Variants in GRIK4 observed in about 807,000 individuals in gnomAD.
The protein encoded by GRIK4 is glutamate receptor ionotropic, kainate 4.
Under a neutral mutation model 104.9 loss-of-function variants are expected in GRIK4, and 40 were observed. That is an observed-to-expected ratio of 0.38 (90% confidence interval 0.30 to 0.50). The LOEUF is 0.50. GRIK4 is among the 20% of genes least tolerant of loss of function. The probability of loss-of-function intolerance (pLI) is 0.93; values close to 1 mark genes in which losing one functional copy is unlikely to be tolerated. For synonymous variants in GRIK4, 485 were observed against 524.9 expected, an observed-to-expected ratio of 0.92 and a Z score of 1.04; for missense variants, 1,047 against 1,308.1, an observed-to-expected ratio of 0.80 and a Z score of 3.08.
At chr11:120,666,511 G>C (rs1004197561) in intron 3 of GRIK4, among the ~76,000 whole-genome samples, 1 of 152,224 alleles carries the variant, frequency 6.6e-6, no homozygotes, top group Non-Finnish European at 1.5e-5. Flanking sequence ...GCGTTAGTAA[G>C]TGTTGCTTCT....
intron 1 of GRIK4, among the ~76,000 whole-genome samples, chr11:120,566,968 ATTTTT>A (rs572433053): frequency 9.0e-5 from 9 of 99,710 alleles, no homozygotes; most frequent in East Asian, 5.4e-4. Context: ...CGGCCTCCTA[ATTTTT>A]TTTTTTTTTT....
At chr11:120,921,568 C>T (rs1352077045) in intron 13 of GRIK4, among the ~76,000 whole-genome samples, 2 of 150,936 alleles carry the variant, frequency 1.3e-5, no homozygotes, top group Non-Finnish European at 1.5e-5. Flanking sequence ...GCTGCCCTCC[C>T]GCTTGCGCGC....
rs530750037 is a variant in GRIK4, at chr11:120,549,247, C to T, written c.-159+37360C>T. Among the ~76,000 whole-genome samples the T allele has an allele frequency of 6.6e-5, 10 of 152,076 alleles. No individual in the cohort carries two copies. The highest frequency in any genetic ancestry group is 5.8e-4 in the East Asian group (3 of 5,148). On this transcript the variant is annotated intron_variant, in intron 1 of 20. Transcript: ENST00000527524. This position sits in a 1 kb window ranked among gnomAD's most constrained non-coding sequence, Gnocchi z 4.7. Reference sequence around the variant, plus strand: ...CCAAGTAGCTGGGATTACAGGCACACGCCACTACACCTGGCTAATTTTTGT... The same window carrying T: ...CCAAGTAGCTGGGATTACAGGCACATGCCACTACACCTGGCTAATTTTTGT...
At chr11:120,983,401 A>G (rs1289832869) in intron 20 of GRIK4, among the ~76,000 whole-genome samples, 1 of 152,132 alleles carries the variant, frequency 6.6e-6, no homozygotes, top group African/African-American at 2.4e-5. Flanking sequence ...CTACCCCTGC[A>G]CCGAAAGGCC....
chr11:120,691,540 G>C (rs1051346254), intron 3 of GRIK4, among the ~76,000 whole-genome samples: 1 of 152,134 alleles, frequency 6.6e-6, no homozygotes, highest in African/African-American at 2.4e-5. Context: ...TTTGGACATG[G>C]GCTGTGAGAT....
At chr11:120,899,352 C>G (rs1942669929) in intron 12 of GRIK4, among the ~76,000 whole-genome samples, 1 of 144,740 alleles carries the variant, frequency 6.9e-6, no homozygotes, top group African/African-American at 2.6e-5. Context: ...ACCCAGGAGG[C>G]AGAGGTTGCA....
chr11:120,846,972 C>A (rs1429809616), intron 8 of GRIK4, among the ~76,000 whole-genome samples: 2 of 152,194 alleles, frequency 1.3e-5, no homozygotes, highest in African/African-American at 4.8e-5. Context: ...GTCTTCTGAG[C>A]TGTCTTGATC....
chr11:120,662,749 C>G (rs902184358), intron 3 of GRIK4, among the ~76,000 whole-genome samples: 7 of 152,100 alleles, frequency 4.6e-5, no homozygotes, highest in Non-Finnish European at 1.0e-4. Flanking sequence ...GGGGTTTTCC[C>G]CAACCCCAGC....
chr11:120,662,714 C>G (rs527745822), intron 3 of GRIK4, among the ~76,000 whole-genome samples: 158 of 152,258 alleles, frequency 1.0e-3, no homozygotes, highest in African/African-American at 3.5e-3. Flanking sequence ...CCAGGGGTCA[C>G]TTTTCCTTGC....
At chr11:120,827,554 C>T (rs1953300528) in intron 6 of GRIK4, among the ~76,000 whole-genome samples, 2 of 152,308 alleles carry the variant, frequency 1.3e-5, no homozygotes, top group African/African-American at 4.8e-5. Context: ...TGGCAGCTGC[C>T]TTTGGTGAAT....
chr11:120,531,825 C>T (rs934599825), intron 1 of GRIK4, among the ~76,000 whole-genome samples: 1 of 152,178 alleles, frequency 6.6e-6, no homozygotes, highest in Non-Finnish European at 1.5e-5. Flanking sequence ...ATCCACCCGC[C>T]TTGGTCTCCT....
At chr11:120,566,205 T>C (rs971193931) in intron 1 of GRIK4, among the ~76,000 whole-genome samples, 10 of 152,302 alleles carry the variant, frequency 6.6e-5, no homozygotes, top group African/African-American at 2.4e-4. Flanking sequence ...TAGTGAACAG[T>C]TGTAGCTCTA....
intron 1 of GRIK4, among the ~76,000 whole-genome samples, chr11:120,581,075 A>G (rs1176557557): frequency 6.6e-6 from 1 of 152,106 alleles, no homozygotes; most frequent in African/African-American, 2.4e-5. Context: ...TTTCTTGGTG[A>G]AGTATCTTTC....
chr11:120,813,759 C>CT (rs1338395314), intron 4 of GRIK4, among the ~76,000 whole-genome samples: 1 of 152,156 alleles, frequency 6.6e-6, no homozygotes, highest in African/African-American at 2.4e-5. Flanking sequence ...AGTAAGAAAC[C>CT]TTGTACTAGT....
intron 19 of GRIK4, among the ~76,000 whole-genome samples, chr11:120,974,490 G>A (rs1273637175): frequency 2.0e-5 from 3 of 152,310 alleles, no homozygotes; most frequent in South Asian, 2.1e-4. Context: ...ACCAGACGAC[G>A]TGCCAGTGCC....
intron 1 of GRIK4, among the ~76,000 whole-genome samples, chr11:120,530,468 A>C (rs1335095431): frequency 6.6e-6 from 1 of 152,116 alleles, no homozygotes; most frequent in Non-Finnish European, 1.5e-5. Flanking sequence ...CTGCACAGTA[A>C]AATTTGTCAG....
chr11:120,980,814 G>A (rs538022701), intron 19 of GRIK4, among the ~76,000 whole-genome samples: 1 of 152,258 alleles, frequency 6.6e-6, no homozygotes, highest in South Asian at 2.1e-4. Context: ...CAGATTTTCA[G>A]TTGTAGGCAG....
At chr11:120,665,772 G>A (rs1366435820) in intron 3 of GRIK4, among the ~76,000 whole-genome samples, 2 of 152,180 alleles carry the variant, frequency 1.3e-5, no homozygotes, top group African/African-American at 4.8e-5. Flanking sequence ...TTGTGCTTAT[G>A]TAAGGCTATC....
At chr11:120,982,748 T>A (rs1338342666) in intron 20 of GRIK4, among the ~76,000 whole-genome samples, 1 of 152,218 alleles carries the variant, frequency 6.6e-6, no homozygotes, top group South Asian at 2.1e-4. Flanking sequence ...TTATTAGATT[T>A]TTTTTAAAAG....
Sources: gnomAD v4.1 joint callset for allele counts (sites outside exome capture counted in the v4.1 genomes callset) on GRCh38, gnomAD v4.1.1 for gene constraint, Gnocchi (gnomAD v3.1) non-coding constraint, MANE v1.5 for transcripts, NCBI Gene and HGNC (gene_info 2026-07-23, HGNC 2026-07-21) for gene names.